The following DPYS variants were observed in gnomAD, a reference collection of about 807,000 sequenced individuals.
DPYS encodes the protein dihydropyrimidine amidohydrolase.
A neutral mutation model predicts 50.3 loss-of-function variants in DPYS; 39 were observed. The ratio of observed to expected loss-of-function variants is 0.78; its 90% CI spans 0.60 to 1.01. DPYS has a LOEUF of 1.01. DPYS is among the 50% of genes least tolerant of loss of function. DPYS has a pLI of 0.00. For missense variants in DPYS, 659 were observed against 680.9 expected (o/e 0.97, Z 0.36); for synonymous variants, 245 against 250.7 (o/e 0.98, Z 0.22).
At chr8:104,409,947 G>T (rs2333875) in intron 7 of DPYS, among the ~76,000 whole-genome samples, 8,981 of 152,154 alleles carry the variant, frequency 0.059, 323 homozygotes, top group African/African-American at 0.085. Context: ...TTAACCATTG[G>T]GCCTAATCTT....
chr8:104,440,405 G>T (rs1813308968), intron 4 of DPYS, among the ~76,000 whole-genome samples: 1 of 152,092 alleles, frequency 6.6e-6, no homozygotes, highest in African/African-American at 2.4e-5. Flanking sequence ...GGGCCCCAAG[G>T]CTCTGCATGT....
intron 8 of DPYS, among the ~76,000 whole-genome samples, chr8:104,386,378 C>T (rs1248653962): frequency 6.6e-6 from 1 of 151,666 alleles, no homozygotes; most frequent in African/African-American, 2.4e-5. Flanking sequence ...ACTAAAAATA[C>T]AAAAATTATC....
intron 7 of DPYS, among the ~76,000 whole-genome samples, chr8:104,393,497 T>C (rs556904615): frequency 2.6e-5 from 4 of 152,302 alleles, no homozygotes; most frequent in African/African-American, 7.2e-5. Context: ...CAAATTGGAC[T>C]TGGTAGTTAT....
chr8:104,455,976 T>A (rs1443612118), intron 1 of DPYS, among the ~76,000 whole-genome samples: 2 of 152,162 alleles, frequency 1.3e-5, no homozygotes, highest in African/African-American at 2.4e-5. Flanking sequence ...CATAATGGTG[T>A]TTTGATCAAT....
intron 7 of DPYS, among the ~76,000 whole-genome samples, chr8:104,414,073 C>A (rs770761834): frequency 1.5e-4 from 23 of 152,142 alleles, no homozygotes; most frequent in Non-Finnish European, 2.8e-4. Flanking sequence ...TAGATATATT[C>A]TGCATAATTC....
intron 8 of DPYS, among the ~76,000 whole-genome samples, chr8:104,389,139 T>C (rs1001140759): frequency 6.6e-6 from 1 of 152,146 alleles, no homozygotes; most frequent in African/African-American, 2.4e-5. Context: ...GATGTGACTC[T>C]GTACTCTGTG....
intron 2 of DPYS, among the ~76,000 whole-genome samples, chr8:104,450,219 G>A (rs901832190): frequency 6.6e-6 from 1 of 151,722 alleles, no homozygotes; most frequent in Non-Finnish European, 1.5e-5. Context: ...AGAAAAGGAG[G>A]GACGATCCTA....
rs571246019 is a variant in DPYS, at chr8:104,432,183, G to A, written c.794-2482C>T. ...GGTTGTATCGTCTCTACCCATAGAT[G>A]TTCTCTCCTTATTTCTCCATTTTTT... On this transcript the variant is annotated intron_variant, in intron 4 of 9. Transcript: ENST00000351513. Among the ~76,000 whole-genome samples the A allele has an allele frequency of 4.2e-4, 64 of 152,272 alleles. 1 individual carries two copies. The Middle Eastern group carries it at 0.017, about 40-fold the overall frequency.
chr8:104,384,870 G>A (rs776658644), intron 8 of DPYS, among the ~76,000 whole-genome samples: 1 of 152,176 alleles, frequency 6.6e-6, no homozygotes, highest in Non-Finnish European at 1.5e-5. Flanking sequence ...CGCCTTCTGG[G>A]ACTCCATGTT....
chr8:104,415,550 AAT>A (rs1812335530), intron 7 of DPYS, among the ~76,000 whole-genome samples: 1 of 152,114 alleles, frequency 6.6e-6, no homozygotes, highest in Non-Finnish European at 1.5e-5. Context: ...TGTAATCAAC[AAT>A]GTTAGCTTTT....
chr8:104,399,290 C>CAAAAAAAAAAAAAAA (rs11323938), intron 7 of DPYS, among the ~76,000 whole-genome samples: 234 of 74,866 alleles, frequency 3.1e-3, no homozygotes, highest in Non-Finnish European at 4.2e-3. Flanking sequence ...GACTCCATCT[C>CAAAAAAAAAAAAAAA]AAAAAAAAAA....
At chr8:104,404,132 C>T (rs1811915727) in intron 7 of DPYS, among the ~76,000 whole-genome samples, 1 of 151,804 alleles carries the variant, frequency 6.6e-6, no homozygotes, top group African/African-American at 2.4e-5. Context: ...GATATCAATA[C>T]TATTATTATT....
intron 4 of DPYS, among the ~76,000 whole-genome samples, chr8:104,435,672 CT>C (rs1813114431): frequency 6.6e-6 from 1 of 152,056 alleles, no homozygotes; most frequent in African/African-American, 2.4e-5. Context: ...CTGCTTTTCA[CT>C]TTTTATTGCA....
chr8:104,402,650 T>C (rs1811858688), intron 7 of DPYS, among the ~76,000 whole-genome samples: 1 of 152,200 alleles, frequency 6.6e-6, no homozygotes, highest in South Asian at 2.1e-4. Flanking sequence ...GTCAGTTTCC[T>C]ATATAGAAAT....
chr8:104,395,142 C>T (rs1029860167), intron 7 of DPYS, among the ~76,000 whole-genome samples: 8 of 151,802 alleles, frequency 5.3e-5, no homozygotes, highest in African/African-American at 1.2e-4. Flanking sequence ...ACTACAGGCA[C>T]GTGCCACCAC....
chr8:104,419,094 G>T (rs1468220044), intron 7 of DPYS: 2 of 984,082 alleles, frequency 2.0e-6, no homozygotes, highest in Non-Finnish European at 2.4e-6. Context: ...AGACCAGCGA[G>T]ACAGTTCTTC....
intron 7 of DPYS, among the ~76,000 whole-genome samples, chr8:104,415,495 T>C (rs1039753539): frequency 6.6e-6 from 1 of 152,218 alleles, no homozygotes; most frequent in Admixed American, 6.5e-5. Context: ...AAAATATGTT[T>C]AAATAAACAA....
intron 7 of DPYS, among the ~76,000 whole-genome samples, chr8:104,423,752 A>T (rs1432335895): frequency 6.6e-5 from 10 of 152,222 alleles, no homozygotes; most frequent in Non-Finnish European, 8.8e-5. Flanking sequence ...AATTATGGAA[A>T]TTGGAAACAA....
At position 104,441,005 on chromosome 8, in the gene DPYS, T is replaced by G. The variant is rs181531657; in HGVS notation, c.793+3243A>C. 3.9e-5 allele frequency among the ~76,000 whole-genome samples: 6 copies of G among 152,340 alleles called. 1 individual carries two copies. Among genetic ancestry groups the G allele is most frequent in the Admixed American group, 3.9e-4 (6 of 15,308 alleles). On this transcript the variant is annotated intron_variant, in intron 4 of 9. Transcript: ENST00000351513. ...CCCAGGGATCTGTCCTTTGGTTTGC[T>G]GATGCAGTCACCATGTGAACAGCTG...
Sources: allele counts gnomAD v4.1 joint callset (sites outside exome capture counted in the v4.1 genomes callset), GRCh38; gene constraint gnomAD v4.1.1; transcripts MANE v1.5; gene names NCBI Gene and HGNC (gene_info 2026-07-23, HGNC 2026-07-21).